The following QTMAN variants were observed in gnomAD, a reference collection of about 807,000 sequenced individuals.
The protein encoded by QTMAN is queuosine-tRNA mannosyltransferase, also known as tRNA-queuosine alpha-mannosyltransferase.
At chr2:144,333,000 A>AG in the QTMAN span, among the ~76,000 whole-genome samples, 2 of 152,064 alleles carry the variant, frequency 1.3e-5, no homozygotes, top group Non-Finnish European at 2.9e-5. Flanking sequence ...CTAGAGCCTC[A>AG]GGGCCCCTGT....
chr2:144,133,224 T>C, the QTMAN span, among the ~76,000 whole-genome samples: 5 of 43,410 alleles, frequency 1.2e-4, no homozygotes, highest in Non-Finnish European at 1.8e-4. Flanking sequence ...CATATATAAA[T>C]ATATATTTAT....
the QTMAN span, among the ~76,000 whole-genome samples, chr2:144,266,822 A>G: frequency 1.3e-5 from 2 of 152,184 alleles, no homozygotes; most frequent in South Asian, 4.1e-4. Flanking sequence ...CTACTTCACA[A>G]ATTTGTTGTA....
chr2:143,943,562 T>C, the QTMAN span: 2 of 152,252 alleles, frequency 1.3e-5, no homozygotes, highest in Middle Eastern at 3.2e-3. Context: ...GGGTAGCAGA[T>C]GCTTTCTCAA....
chr2:144,240,974 C>G, the QTMAN span, among the ~76,000 whole-genome samples: 1 of 152,114 alleles, frequency 6.6e-6, no homozygotes, highest in African/African-American at 2.4e-5. Flanking sequence ...TAGCTTAAAA[C>G]AAAAACCTAA....
At chr2:144,030,118 G>A in the QTMAN span, among the ~76,000 whole-genome samples, 1 of 152,344 alleles carries the variant, frequency 6.6e-6, no homozygotes, top group South Asian at 2.1e-4. Flanking sequence ...GGCCTTTGCA[G>A]TTTAGAGTGT....
chr2:144,008,603 T>C, the QTMAN span, among the ~76,000 whole-genome samples: 2 of 151,896 alleles, frequency 1.3e-5, no homozygotes, highest in Admixed American at 6.6e-5. Flanking sequence ...ATCCAGAAAC[T>C]TGGCCTCCCT....
At chr2:144,025,889 G>A in the QTMAN span, among the ~76,000 whole-genome samples, 19 of 152,254 alleles carry the variant, frequency 1.2e-4, no homozygotes, top group South Asian at 2.1e-3. Flanking sequence ...ATAAGTAACC[G>A]GTCTATTGAA....
At chr2:144,096,297 C>T in the QTMAN span, among the ~76,000 whole-genome samples, 2 of 152,186 alleles carry the variant, frequency 1.3e-5, no homozygotes, top group East Asian at 1.9e-4. Flanking sequence ...GGTCTACAAT[C>T]ATATCTAGAT....
At chr2:144,224,618 T>C in the QTMAN span, among the ~76,000 whole-genome samples, 1 of 152,084 alleles carries the variant, frequency 6.6e-6, no homozygotes, top group Non-Finnish European at 1.5e-5. Flanking sequence ...ACCTTGCTGA[T>C]AATGAGATGA....
At chr2:144,060,677 TGCTAG>T in the QTMAN span, among the ~76,000 whole-genome samples, 1 of 152,248 alleles carries the variant, frequency 6.6e-6, no homozygotes, top group Non-Finnish European at 1.5e-5. Flanking sequence ...GGAGCTATTT[TGCTAG>T]GCTATAATTT....
At chr2:144,032,239 C>T in the QTMAN span, among the ~76,000 whole-genome samples, 2 of 152,068 alleles carry the variant, frequency 1.3e-5, no homozygotes, top group Admixed American at 1.3e-4. Flanking sequence ...ACTTAACTTC[C>T]CCAAGCCTCA....
chr2:143,954,067 AATT>A, the QTMAN span, among the ~76,000 whole-genome samples: 346 of 152,098 alleles, frequency 2.3e-3, 1 homozygote, highest in Non-Finnish European at 3.7e-3. Context: ...TCTGGTTACC[AATT>A]ATTAATTTCA....
At chr2:144,180,204 T>G in the QTMAN span, among the ~76,000 whole-genome samples, 2 of 152,184 alleles carry the variant, frequency 1.3e-5, no homozygotes, top group African/African-American at 4.8e-5. Flanking sequence ...GAACGCTCAC[T>G]GTTTGTTTCA....
At chr2:144,066,611 T>A in the QTMAN span, among the ~76,000 whole-genome samples, 35 of 152,118 alleles carry the variant, frequency 2.3e-4, no homozygotes, top group Non-Finnish European at 2.4e-4. Context: ...AGGTCAGGAG[T>A]TCGAGACCAG....
chr2:144,292,321 T>C, the QTMAN span, among the ~76,000 whole-genome samples: 1 of 152,200 alleles, frequency 6.6e-6, no homozygotes, highest in South Asian at 2.1e-4. Context: ...TCTCTTTTCT[T>C]GTGTTATCTG....
the QTMAN span, among the ~76,000 whole-genome samples, chr2:144,101,350 C>G: frequency 6.6e-6 from 1 of 151,988 alleles, no homozygotes; most frequent in Non-Finnish European, 1.5e-5. Flanking sequence ...ACAACTTGAT[C>G]AGTAATATCC....
chr2:144,205,026 G>A, the QTMAN span, among the ~76,000 whole-genome samples: 1 of 151,706 alleles, frequency 6.6e-6, no homozygotes. Flanking sequence ...ATAGCATTAA[G>A]AGATATACCT....
chr2:144,147,419 G>C, the QTMAN span, among the ~76,000 whole-genome samples: 1 of 151,676 alleles, frequency 6.6e-6, no homozygotes, highest in Non-Finnish European at 1.5e-5. Flanking sequence ...AACTTACACT[G>C]AAAATTCTGA....
the QTMAN span, among the ~76,000 whole-genome samples, chr2:144,199,233 C>G: frequency 1.3e-5 from 2 of 151,984 alleles, no homozygotes; most frequent in Non-Finnish European, 2.9e-5. Context: ...ATTTTTAGTA[C>G]AGGCAGGGTT....
Sources: gnomAD v4.1 joint callset for allele counts (sites outside exome capture counted in the v4.1 genomes callset) on GRCh38, gnomAD v4.1.1 for gene constraint, MANE v1.5 for transcripts, NCBI Gene and HGNC (gene_info 2026-07-23, HGNC 2026-07-21) for gene names.